NCOA3: variants seen among roughly 807,000 people sequenced by gnomAD.
The protein encoded by NCOA3 is CBP-interacting protein.
In NCOA3, 51 loss-of-function variants were observed where a neutral mutation model predicts 158.8. The observed-to-expected ratio is 0.32, with a 90% CI of 0.26 to 0.41. NCOA3 has a LOEUF of 0.41. NCOA3 is among the 10% of genes least tolerant of loss of function. The pLI, the probability that NCOA3 is intolerant of heterozygous loss-of-function variation, is 1.00. For synonymous variants in NCOA3, 537 were observed against 592.4 expected (o/e 0.91, Z 1.36); for missense variants, 1,510 against 1,746.6 (o/e 0.86, Z 2.41).
At position 47,652,566 on chromosome 20, in the gene NCOA3, T is replaced by C. The variant is rs761459401; in HGVS notation, c.4107T>C (p.Asn1369=). The change falls in exon 21 of 23, where the codon AAT becomes AAC. Residue 1369 remains asparagine, a synonymous_variant. Transcript: ENST00000371998. Reference sequence around the variant, plus strand: ...AAATGAAGGGCTGGCCATCAGGAAATTTGGCCAGGAACAGGTAAAGAACAG... The same window carrying C: ...AAATGAAGGGCTGGCCATCAGGAAACTTGGCCAGGAACAGGTAAAGAACAG... The part of the protein sequence containing the change: ...SSEMKGWPSG[N]LARNSSFSQQ... The C allele has an allele frequency of 1.9e-6, 3 of 1,608,538 alleles. No individual in the cohort carries two copies. The Admixed American group carries it at 5.0e-5, about 27-fold the overall frequency.
At chr20:47,511,771 C>T (rs1043355154) in intron 1 of NCOA3, among the ~76,000 whole-genome samples, 2 of 151,334 alleles carry the variant, frequency 1.3e-5, no homozygotes, top group Non-Finnish European at 2.9e-5. Flanking sequence ...CCAGGCTGAT[C>T]TTGAACTCCT....
intron 1 of NCOA3, among the ~76,000 whole-genome samples, chr20:47,515,477 T>C (rs1258815729): frequency 6.7e-6 from 1 of 150,288 alleles, no homozygotes; most frequent in African/African-American, 2.4e-5. Context: ...TCTTTCTTTT[T>C]TTTTTTTTTT....
chr20:47,555,752 C>T (rs2084994810), intron 1 of NCOA3, among the ~76,000 whole-genome samples: 1 of 150,236 alleles, frequency 6.7e-6, no homozygotes, highest in East Asian at 2.0e-4. Context: ...CATTCTCCTG[C>T]CTCAGCCTCC....
chr20:47,579,774 A>G (rs1404703158), intron 1 of NCOA3, among the ~76,000 whole-genome samples: 2 of 152,216 alleles, frequency 1.3e-5, no homozygotes, highest in Admixed American at 6.5e-5. Context: ...AAAGCTGAAC[A>G]CTAAGCACCA....
intron 3 of NCOA3, 85 bp from the exon 4 acceptor site, chr20:47,623,826 T>C (rs2086279877): frequency 1.6e-6 from 2 of 1,266,386 alleles, no homozygotes; most frequent in Non-Finnish European, 2.2e-6. Flanking sequence ...GTAATAGTGT[T>C]GTATAGGGGC....
chr20:47,528,181 T>G (rs902520887), intron 1 of NCOA3, among the ~76,000 whole-genome samples: 10 of 152,182 alleles, frequency 6.6e-5, no homozygotes, highest in African/African-American at 2.4e-4. Context: ...AAAATAACAG[T>G]TATGCTAACA....
At chr20:47,628,143 A>G in intron 8 of NCOA3, 120 bp downstream of exon 8, 1 of 625,282 alleles carries the variant, frequency 1.6e-6, no homozygotes. Context: ...ACCTACTGTA[A>G]TGAGTGCTTT....
Position 47,541,687 on chromosome 20 carries a change from A to G in NCOA3, c.-99+39668A>G, listed in dbSNP as rs992102353. The stretch of plus-strand genomic sequence containing the variant: ...TCCCAAAGTACTGGGATTCCAGGCA[A>G]TACTCCTTCATACCGTTTTGAAGCA... On this transcript the variant is annotated intron_variant, in intron 1 of 22. Coordinates refer to ENST00000371998, the MANE Select transcript of NCOA3 (RefSeq NM_181659.3). 2.0e-5 allele frequency among the ~76,000 whole-genome samples: 3 copies of G among 150,812 alleles called. No individual in the cohort carries two copies. The East Asian group carries it at 5.9e-4, about 29-fold the overall frequency.
intron 17 of NCOA3, 69 bp from the exon 18 acceptor site, chr20:47,647,004 C>A: frequency 6.8e-7 from 1 of 1,465,826 alleles, no homozygotes; most frequent in Non-Finnish European, 9.3e-7. Flanking sequence ...TTTGCACTTT[C>A]TTTAGAGCAT....
intron 2 of NCOA3, among the ~76,000 whole-genome samples, chr20:47,594,716 G>A (rs1026676593): frequency 1.4e-5 from 2 of 139,014 alleles, no homozygotes; most frequent in African/African-American, 5.3e-5. Context: ...AAGTCTTCAT[G>A]ATATTGCTGG....
intron 1 of NCOA3, among the ~76,000 whole-genome samples, chr20:47,513,338 G>GAT (rs1376384511): frequency 6.6e-6 from 1 of 152,022 alleles, no homozygotes. Flanking sequence ...TACATATGAG[G>GAT]ATATTTACTT....
At chr20:47,558,232 ATTTTTTTTTTT>A (rs71183263) in intron 1 of NCOA3, among the ~76,000 whole-genome samples, 640 of 55,538 alleles carry the variant, frequency 0.012, 15 homozygotes, top group African/African-American at 0.038. Context: ...CTAATTTTGT[ATTTTTTTTTTT>A]TTTTTTTTTT....
chr20:47,506,657 G>A (rs1419945653), intron 1 of NCOA3, among the ~76,000 whole-genome samples: 1 of 152,164 alleles, frequency 6.6e-6, no homozygotes, highest in Non-Finnish European at 1.5e-5. Flanking sequence ...GAAAGGAGTC[G>A]GACCTGACTG....
At chr20:47,639,436 C>T in intron 14 of NCOA3, 141 bp from the exon 15 acceptor site, 1 of 1,187,238 alleles carries the variant, frequency 8.4e-7, no homozygotes, top group East Asian at 2.3e-5. Flanking sequence ...CCTATGTCTC[C>T]ACAGTTGGCC....
chr20:47,581,040 G>A (rs1406221338), intron 1 of NCOA3, among the ~76,000 whole-genome samples: 1 of 152,118 alleles, frequency 6.6e-6, no homozygotes, highest in African/African-American at 2.4e-5. Context: ...GGTCGAGGCT[G>A]AGGTGAGCCA....
At chr20:47,533,313 A>ATTTT (rs3091773) in intron 1 of NCOA3, among the ~76,000 whole-genome samples, 8 of 132,136 alleles carry the variant, frequency 6.1e-5, no homozygotes, top group Non-Finnish European at 1.3e-4. Flanking sequence ...AAGATCATTG[A>ATTTT]TTTTTTTTTT....
intron 1 of NCOA3, among the ~76,000 whole-genome samples, chr20:47,571,739 G>T (rs1043814116): frequency 6.6e-6 from 1 of 151,772 alleles, no homozygotes; most frequent in African/African-American, 2.4e-5. Flanking sequence ...TTTGAGACAG[G>T]GTCTGCCTCT....
At chr20:47,625,331 A>T (rs746346174) in intron 4 of NCOA3, 50 bp from the exon 5 acceptor site, 141 of 1,279,272 alleles carry the variant, frequency 1.1e-4, no homozygotes, top group Non-Finnish European at 8.9e-5. Context: ...AGGTGATTTA[A>T]TCTATAACTG....
At chr20:47,515,472 CTTTTTTTTTTTTTT>C (rs111350575) in intron 1 of NCOA3, among the ~76,000 whole-genome samples, 2 of 130,048 alleles carry the variant, frequency 1.5e-5, no homozygotes, top group Non-Finnish European at 3.3e-5. Flanking sequence ...TTCTTTCTTT[CTTTTTTTTTTTTTT>C]TTTTCTTTTT....
Sources: gnomAD v4.1 joint callset for allele counts (sites outside exome capture counted in the v4.1 genomes callset) on GRCh38, gnomAD v4.1.1 for gene constraint, MANE v1.5 for transcripts, NCBI Gene and HGNC (gene_info 2026-07-23, HGNC 2026-07-21) for gene names.